The following INPP5D variants were observed in gnomAD, a reference collection of about 807,000 sequenced individuals.
The protein encoded by INPP5D is phosphatidylinositol 3,4,5-trisphosphate 5-phosphatase 1.
Under a neutral mutation model 122.9 loss-of-function variants are expected in INPP5D, and 33 were observed. That is an observed-to-expected ratio of 0.27 (90% CI 0.20 to 0.36). The LOEUF is 0.36. INPP5D is among the 10% of genes least tolerant of loss of function. The pLI is 1.00. For missense variants in INPP5D, 1,053 were observed against 1,412.7 expected, an observed-to-expected ratio of 0.75 and a Z score of 4.08; for synonymous variants, 584 against 576.2, an observed-to-expected ratio of 1.01 and a Z score of -0.19.
chr2:233,120,253 G>A (rs968431526), intron 2 of INPP5D, among the ~76,000 whole-genome samples: 1 of 152,192 alleles, frequency 6.6e-6, no homozygotes, highest in African/African-American at 2.4e-5. Flanking sequence ...GGAGGCTGAG[G>A]TGGGTGGATC....
intron 20 of INPP5D, 82 bp downstream of exon 20, chr2:233,184,603 CA>C: frequency 6.5e-7 from 1 of 1,537,126 alleles, no homozygotes; most frequent in Non-Finnish European, 8.8e-7. Flanking sequence ...CACTTTGCCC[CA>C]TATCTTCTCT....
At chr2:233,158,519 C>T (rs558608037) in intron 10 of INPP5D, 100 bp downstream of exon 10, 2 of 572,562 alleles carry the variant, frequency 3.5e-6, no homozygotes, top group Admixed American at 3.2e-5. Context: ...TTAGCTCACT[C>T]AGTTCCCAGA....
chr2:233,139,702 C>A (rs995133760), intron 5 of INPP5D, 140 bp from the exon 6 acceptor site: 1 of 390,452 alleles, frequency 2.6e-6, no homozygotes, highest in South Asian at 1.4e-4. Flanking sequence ...GATCTTTGCC[C>A]GGGCTTGTCC....
At position 233,164,370 on chromosome 2, in the gene INPP5D, C is replaced by T; in HGVS notation, c.1501C>T (p.Arg501Trp). The change falls in exon 13 of 27, where the codon CGG becomes TGG. Residue 501 changes from arginine (R) to tryptophan (W), a missense_variant. Physicochemically the swap from Arg to Trp is moderately radical, Grantham distance 101 (BLOSUM62 -3). Around this residue, in one of 6 missense-constraint regions of INPP5D, gnomAD observed 105 missense variants for 199.8 expected, o/e 0.53. Coordinates refer to ENST00000445964, the MANE Select transcript of INPP5D (RefSeq NM_001017915.3). The surrounding 1 kb of genome is among the most constrained non-coding windows in gnomAD (Gnocchi z 4.3). ...GCTGGCCAAGCCTGAGCACGAGAAC[C>T]GGATCAGCCACATCTGTACTGACAA... ...VVLAKPEHENRISHICTDNVK... is the reference protein window; with the variant it reads ...VVLAKPEHENWISHICTDNVK... 1.3e-6 allele frequency: 2 copies of T among 1,552,948 alleles called. No individual in the cohort carries two copies. Among genetic ancestry groups the T allele is most frequent in the East Asian group, 2.4e-5 (1 of 41,106 alleles).
intron 9 of INPP5D, among the ~76,000 whole-genome samples, chr2:233,157,799 G>T (rs1574772695): frequency 6.6e-6 from 1 of 152,030 alleles, no homozygotes; most frequent in Non-Finnish European, 1.5e-5. Flanking sequence ...TCCATTAAGA[G>T]AGTTGAAATT....
At chr2:233,186,427 G>A (rs985344301) in intron 21 of INPP5D, among the ~76,000 whole-genome samples, 1 of 152,148 alleles carries the variant, frequency 6.6e-6, no homozygotes, top group African/African-American at 2.4e-5. Flanking sequence ...CGACATGTCT[G>A]TGGCCCTGCA....
chr2:233,091,982 C>G (rs1183688079), intron 2 of INPP5D, among the ~76,000 whole-genome samples: 5 of 152,146 alleles, frequency 3.3e-5, no homozygotes, highest in Non-Finnish European at 7.4e-5. Flanking sequence ...ATTTGCAATA[C>G]AAACAAAGTG....
chr2:233,158,518 T>C (rs1694115531), intron 10 of INPP5D, 99 bp downstream of exon 10: 1 of 573,624 alleles, frequency 1.7e-6, no homozygotes, highest in African/African-American at 1.9e-5. Context: ...ATTAGCTCAC[T>C]CAGTTCCCAG....
At chr2:233,169,632 T>G in intron 14 of INPP5D, 1 of 654,888 alleles carries the variant, frequency 1.5e-6, no homozygotes, top group Middle Eastern at 4.3e-4. Flanking sequence ...CTTGTGTCAT[T>G]AGCCTGATGG....
chr2:233,177,164 G>A lies in INPP5D; in HGVS notation c.1990-101G>A. The A allele has an allele frequency of 6.7e-7, 1 of 1,492,128 alleles. No individual in the cohort carries two copies. The highest frequency in any genetic ancestry group is 9.1e-7 in the Non-Finnish European group (1 of 1,097,942). The allele number at this position is 1,492,128 out of a possible 1,614,324, so 92.4% of individuals were successfully genotyped here. A position where few individuals can be genotyped will look rare whatever the true frequency, so the allele number is the denominator to read the frequency against. On this transcript the variant is annotated intron_variant, in intron 17 of 26. Transcript: ENST00000445964. The surrounding 1 kb of genome is among the most constrained non-coding windows in gnomAD (Gnocchi z 4.2). ...ATTCTATAAAAAGCCAACAGCCGATGAATTTGAGGATTACAGAGGCCACCA... is the reference window on the plus strand; with the variant it reads ...ATTCTATAAAAAGCCAACAGCCGATAAATTTGAGGATTACAGAGGCCACCA...
At position 233,182,578 on chromosome 2, in the gene INPP5D, A is replaced by C. The variant is rs1694812130; in HGVS notation, c.2161+79A>C. 8 of 1,587,388 alleles carry C rather than the reference A, an allele frequency of 5.0e-6. No individual in the cohort carries two copies. In the South Asian group the frequency reaches 8.9e-5, roughly 18 times the overall value. ...GGGAGCTTGTCTTCAGGTGGCAGTC[A>C]GTGGTCTGCATTAGAGGAAGGCTCA... On this transcript the variant is annotated intron_variant, in intron 19 of 26. Coordinates refer to ENST00000445964, the MANE Select transcript of INPP5D (RefSeq NM_001017915.3).
At chr2:233,069,890 T>C (rs1691329457) in intron 1 of INPP5D, among the ~76,000 whole-genome samples, 1 of 152,184 alleles carries the variant, frequency 6.6e-6, no homozygotes, top group African/African-American at 2.4e-5. Context: ...TTTTTAAGGC[T>C]CTTGATACAG....
chr2:233,102,142 C>T, intron 2 of INPP5D, among the ~76,000 whole-genome samples: 1 of 152,186 alleles, frequency 6.6e-6, no homozygotes, highest in South Asian at 2.1e-4. Context: ...CTAGATCGCA[C>T]AACCAGTTGG....
At chr2:233,114,715 A>G (rs985282032) in intron 2 of INPP5D, among the ~76,000 whole-genome samples, 3 of 152,090 alleles carry the variant, frequency 2.0e-5, no homozygotes, top group Non-Finnish European at 4.4e-5. Flanking sequence ...TGGAAGTAAT[A>G]AAAACAGCAG....
At chr2:233,184,067 T>C (rs1339217866) in intron 19 of INPP5D, among the ~76,000 whole-genome samples, 1 of 152,092 alleles carries the variant, frequency 6.6e-6, no homozygotes, top group East Asian at 1.9e-4. Context: ...ACCGAGCCAT[T>C]GTACAAAGTC....
chr2:233,127,482 A>T (rs1693195418), intron 4 of INPP5D, among the ~76,000 whole-genome samples: 2 of 152,236 alleles, frequency 1.3e-5, no homozygotes, highest in Admixed American at 6.5e-5. Flanking sequence ...GACAACTTGC[A>T]CAGTCTTTCC....
intron 11 of INPP5D, among the ~76,000 whole-genome samples, chr2:233,162,792 G>A (rs559730295): frequency 9.8e-5 from 15 of 152,338 alleles, no homozygotes; most frequent in African/African-American, 2.9e-4. Flanking sequence ...CACAGCAGCC[G>A]TGGAGTAGAG....
At chr2:233,150,518 GC>G (rs36195148) in intron 9 of INPP5D, among the ~76,000 whole-genome samples, 54,304 of 152,016 alleles carry the variant, frequency 0.36, 12,249 homozygotes, top group Non-Finnish European at 0.5. Context: ...GAGAGGGGTG[GC>G]CCCAACTTGG....
chr2:233,190,705 C>A (rs1471767610), intron 22 of INPP5D, among the ~76,000 whole-genome samples: 1 of 152,194 alleles, frequency 6.6e-6, no homozygotes. Flanking sequence ...AAGTCAGGCT[C>A]ACCCTTGCTA....
Sources: gnomAD v4.1 joint callset for allele counts (sites outside exome capture counted in the v4.1 genomes callset) on GRCh38, gnomAD v4.1.1 for gene constraint, gnomAD v4.1.1 regional missense constraint, Gnocchi (gnomAD v3.1) non-coding constraint, MANE v1.5 for transcripts, NCBI Gene and HGNC (gene_info 2026-07-23, HGNC 2026-07-21) for gene names.